The following GLDC variants were observed in gnomAD, a reference collection of about 807,000 sequenced individuals.
GLDC encodes the protein glycine dehydrogenase (decarboxylating), mitochondrial.
Under a neutral mutation model 121.3 loss-of-function variants are expected in GLDC, and 104 were observed. The observed-to-expected ratio is 0.86, with a 90% confidence interval of 0.73 to 1.01. GLDC has a LOEUF of 1.01. Among genes scored for constraint, GLDC ranks in the 50% least tolerant of loss-of-function variants. The pLI is 0.00. For missense variants in GLDC, 1,429 were observed against 1,306.6 expected, an observed-to-expected ratio of 1.09 and a Z score of -1.44; for synonymous variants, 546 against 480.6, an observed-to-expected ratio of 1.14 and a Z score of -1.78.
chr9:6,623,841 A>G (rs766009336), intron 2 of GLDC, among the ~76,000 whole-genome samples: 33 of 152,316 alleles, frequency 2.2e-4, no homozygotes, highest in African/African-American at 2.6e-4. Flanking sequence ...AAAAAGTCCA[A>G]TCACCTCCCA....
chr9:6,575,708 A>G (rs1818051788), intron 15 of GLDC, among the ~76,000 whole-genome samples: 1 of 152,258 alleles, frequency 6.6e-6, no homozygotes, highest in Non-Finnish European at 1.5e-5. Flanking sequence ...AAGTGAGCTA[A>G]TAATAATTCC....
At chr9:6,557,427 C>G (rs1817658171) in intron 17 of GLDC, among the ~76,000 whole-genome samples, 1 of 152,052 alleles carries the variant, frequency 6.6e-6, no homozygotes, top group Non-Finnish European at 1.5e-5. Flanking sequence ...AACCCTGTCT[C>G]TACTAAAAAT....
chr9:6,551,288 G>C (rs1325614306), intron 20 of GLDC, among the ~76,000 whole-genome samples: 4 of 152,136 alleles, frequency 2.6e-5, no homozygotes, highest in Non-Finnish European at 4.4e-5. Flanking sequence ...TAATTGCCAG[G>C]AATCCGATGG....
chr9:6,536,629 G>A (rs1208077499), intron 22 of GLDC, among the ~76,000 whole-genome samples: 4 of 152,200 alleles, frequency 2.6e-5, no homozygotes, highest in Non-Finnish European at 5.9e-5. Flanking sequence ...AAGATGCCTT[G>A]AAGAAAACAT....
intron 2 of GLDC, among the ~76,000 whole-genome samples, chr9:6,627,762 C>A (rs1276342189): frequency 6.6e-6 from 1 of 152,172 alleles, no homozygotes; most frequent in East Asian, 1.9e-4. Context: ...CTGCTTCTTA[C>A]TGTGATAAAA....
chr9:6,619,539 C>T (rs1382599163), intron 3 of GLDC, among the ~76,000 whole-genome samples: 1 of 152,048 alleles, frequency 6.6e-6, no homozygotes, highest in Non-Finnish European at 1.5e-5. Context: ...ACCAGCCTGG[C>T]CAACACGGTG....
intron 2 of GLDC, among the ~76,000 whole-genome samples, chr9:6,621,706 T>C (rs1019271018): frequency 1.3e-5 from 2 of 152,116 alleles, no homozygotes; most frequent in Non-Finnish European, 2.9e-5. Context: ...TTAGTAGAGA[T>C]GGGGTTTCAC....
intron 2 of GLDC, among the ~76,000 whole-genome samples, chr9:6,628,967 C>G (rs1200907698): frequency 6.6e-6 from 1 of 151,946 alleles, no homozygotes; most frequent in Admixed American, 6.6e-5. Context: ...CCTAATGTAC[C>G]AAGAACAGAG....
At chr9:6,560,100 C>A (rs1817720522) in intron 16 of GLDC, among the ~76,000 whole-genome samples, 1 of 152,170 alleles carries the variant, frequency 6.6e-6, no homozygotes, top group Non-Finnish European at 1.5e-5. Context: ...TCCAAACAAC[C>A]ATGTGGACAC....
intron 8 of GLDC, among the ~76,000 whole-genome samples, chr9:6,599,992 G>A (rs1005745020): frequency 1.3e-5 from 2 of 152,082 alleles, no homozygotes; most frequent in African/African-American, 2.4e-5. Flanking sequence ...GGTTCTAGAC[G>A]CCAAAGCCCT....
chr9:6,636,901 C>A (rs147128066), intron 2 of GLDC, among the ~76,000 whole-genome samples: 1 of 150,760 alleles, frequency 6.6e-6, no homozygotes, highest in African/African-American at 2.4e-5. Context: ...CTGACCAATA[C>A]GGTGAAAGCC....
chr9:6,540,415 G>T (rs562551348), intron 21 of GLDC: 28 of 448,498 alleles, frequency 6.2e-5, no homozygotes, highest in African/African-American at 5.4e-4. Flanking sequence ...AATGGCAGGT[G>T]GGGGGCATTA....
intron 15 of GLDC, among the ~76,000 whole-genome samples, chr9:6,572,546 GT>G (rs1205324308): frequency 6.6e-6 from 1 of 152,142 alleles, no homozygotes; most frequent in African/African-American, 2.4e-5. Context: ...GACATTCCCA[GT>G]CACTAAACAC....
intron 4 of GLDC, among the ~76,000 whole-genome samples, chr9:6,608,901 G>C (rs955270419): frequency 5.3e-5 from 8 of 152,158 alleles, no homozygotes; most frequent in African/African-American, 1.9e-4. Context: ...GTGTGTCCCT[G>C]ACAGAAGGGA....
At chr9:6,638,150 C>A (rs540912448) in intron 2 of GLDC, among the ~76,000 whole-genome samples, 1 of 152,132 alleles carries the variant, frequency 6.6e-6, no homozygotes, top group South Asian at 2.1e-4. Context: ...TTGCACATTG[C>A]ATTTCTCCAT....
intron 15 of GLDC, among the ~76,000 whole-genome samples, chr9:6,580,359 A>G (rs1372169181): frequency 6.6e-6 from 1 of 152,186 alleles, no homozygotes; most frequent in African/African-American, 2.4e-5. Context: ...TGCAATAGAA[A>G]AAGCTTTGAC....
intron 3 of GLDC, among the ~76,000 whole-genome samples, chr9:6,612,886 C>A (rs576744981): frequency 1.3e-5 from 2 of 151,816 alleles, no homozygotes; most frequent in East Asian, 3.9e-4. Context: ...AACCATGAGG[C>A]TGGAGGATAG....
intron 1 of GLDC, 110 bp downstream of exon 1, chr9:6,645,135 G>C: frequency 7.0e-6 from 8 of 1,147,018 alleles, no homozygotes; most frequent in Non-Finnish European, 9.7e-6. Context: ...CCCAGGGTGC[G>C]GGGACCACGC....
chr9:6,584,272 C>A (rs1324592126), intron 15 of GLDC, among the ~76,000 whole-genome samples: 1 of 152,190 alleles, frequency 6.6e-6, no homozygotes, highest in Non-Finnish European at 1.5e-5. Flanking sequence ...TGTGACTGCA[C>A]CTGCTATTTT....
Sources: gnomAD v4.1 joint callset for allele counts (sites outside exome capture counted in the v4.1 genomes callset) on GRCh38, gnomAD v4.1.1 for gene constraint, MANE v1.5 for transcripts, NCBI Gene and HGNC (gene_info 2026-07-23, HGNC 2026-07-21) for gene names.